The following TRIM69 variants were observed in gnomAD, a reference collection of about 807,000 sequenced individuals.
TRIM69 encodes tripartite motif containing 69.
Under a neutral mutation model 37.7 loss-of-function variants are expected in TRIM69, and 29 were observed. The observed-to-expected ratio is 0.77, with a 90% CI of 0.57 to 1.05. The LOEUF is 1.05. TRIM69 is among the 50% of genes least tolerant of loss of function. TRIM69 has a pLI of 0.00. For synonymous variants in TRIM69, 209 were observed against 212.4 expected, an observed-to-expected ratio of 0.98 and a Z score of 0.14; for missense variants, 596 against 579.9, an observed-to-expected ratio of 1.03 and a Z score of -0.28.
intron 1 of TRIM69, among the ~76,000 whole-genome samples, chr15:44,743,097 G>A (rs2087327057): frequency 6.6e-6 from 1 of 152,130 alleles, no homozygotes; most frequent in Non-Finnish European, 1.5e-5. Flanking sequence ...AAACAGCATG[G>A]TACTGGTACC....
chr15:44,741,899 C>A (rs1474819510), intron 1 of TRIM69, among the ~76,000 whole-genome samples: 1 of 152,238 alleles, frequency 6.6e-6, no homozygotes. Flanking sequence ...CAAGGAGGAA[C>A]TGGTACCATT....
At position 44,755,218 on chromosome 15, in the gene TRIM69, C is replaced by T. The variant is rs779039319; in HGVS notation, c.325C>T (p.Leu109Phe). Residue 109 changes from leucine to phenylalanine, a missense_variant, in exon 2 of 7, where the codon CTC becomes TTC. Coordinates refer to ENST00000329464, the MANE Select transcript of TRIM69 (RefSeq NM_182985.5). The stretch of plus-strand genomic sequence containing the variant: ...AGAGAAGATTAAGAAGTTACCCTTA[C>T]TCAAGGGCCATCCACAGTGCCCAGA... ...LVEKIKKLPLLKGHPQCPEHG... is the reference protein window; with the variant it reads ...LVEKIKKLPLFKGHPQCPEHG... The T allele has an allele frequency of 6.2e-7, 1 of 1,614,202 alleles. No homozygotes were observed. Among genetic ancestry groups the T allele is most frequent in the Non-Finnish European group, 8.5e-7 (1 of 1,180,032 alleles).
Position 44,765,753 on chromosome 15 carries a change from C to CA in TRIM69, c.962-1470dup, listed in dbSNP as rs1322446958. On this transcript the variant is annotated intron_variant, in intron 6 of 6. Coordinates refer to ENST00000329464, the MANE Select transcript of TRIM69 (RefSeq NM_182985.5). ...TGGGGGACAGAGCAAGAATCTATCTCAAAAAAAACAAAACAAAACAAACAA... is the reference window on the plus strand; with the variant it reads ...TGGGGGACAGAGCAAGAATCTATCTCAAAAAAAAACAAAACAAAACAAACAA... 3.3e-3 allele frequency among the ~76,000 whole-genome samples: 145 copies of CA among 43,902 alleles called. 3 individuals carry two copies. The South Asian group carries it at 0.061, about 19-fold the overall frequency. The allele number at this position is 43,902 out of a possible 152,430, so 28.8% of individuals were successfully genotyped here.
At chr15:44,746,409 A>G (rs913053356) in intron 1 of TRIM69, among the ~76,000 whole-genome samples, 2 of 152,200 alleles carry the variant, frequency 1.3e-5, no homozygotes, top group Non-Finnish European at 2.9e-5. Context: ...ACCCAGACAA[A>G]GACATAAAAA....
chr15:44,755,497 C>A, intron 2 of TRIM69, 121 bp downstream of exon 2: 1 of 754,132 alleles, frequency 1.3e-6, no homozygotes, highest in Non-Finnish European at 2.1e-6. Context: ...GCCCAGACTG[C>A]TCAGAAAGTA....
Position 44,745,414 on chromosome 15 carries a change from A to G in TRIM69, c.6+8704A>G, listed in dbSNP as rs141114612. Among the ~76,000 whole-genome samples the G allele has an allele frequency of 2.6e-3, 392 of 152,318 alleles. 2 individuals are homozygous for G. Among genetic ancestry groups the G allele is most frequent in the African/African-American group, 9.0e-3 (376 of 41,572 alleles). On this transcript the variant is annotated intron_variant, in intron 1 of 6. Coordinates refer to ENST00000329464, the MANE Select transcript of TRIM69 (RefSeq NM_182985.5). Reference sequence around the variant, plus strand: ...AAAACAACTACAACAAGAAGTAACAAAAAACCCCAGAGAAGGTGGAAGATT... The same window carrying G: ...AAAACAACTACAACAAGAAGTAACAGAAAACCCCAGAGAAGGTGGAAGATT...
chr15:44,736,551 T>G lies in TRIM69; in HGVS notation c.-154T>G. ...CCAGACCTCACTCTGGCCTTGCTGC[T>G]TCTCTCCAGCTCCTGAACTTTTCTT... On this transcript the variant is annotated 5_prime_UTR_variant, in exon 1 of 7. Coordinates refer to ENST00000329464, the MANE Select transcript of TRIM69 (RefSeq NM_182985.5). 1.3e-6 allele frequency: 1 copy of G among 746,664 alleles called. No individual in the cohort carries two copies. The allele number at this position is 746,664 out of a possible 1,614,324, so 46.3% of individuals were successfully genotyped here.
intron 1 of TRIM69, among the ~76,000 whole-genome samples, chr15:44,746,172 C>A (rs1276730983): frequency 4.6e-5 from 7 of 152,138 alleles, no homozygotes; most frequent in Non-Finnish European, 2.9e-5. Flanking sequence ...GCTAATTTTT[C>A]ATCAGAAATC....
At chr15:44,743,702 A>G (rs535695470) in intron 1 of TRIM69, among the ~76,000 whole-genome samples, 8 of 152,252 alleles carry the variant, frequency 5.3e-5, no homozygotes, top group Non-Finnish European at 1.0e-4. Flanking sequence ...AATCACATGA[A>G]AAAATTCTCA....
chr15:44,736,550 C>T lies in TRIM69; in HGVS notation c.-155C>T, dbSNP rs949825916. The T allele has an allele frequency of 5.4e-6, 4 of 735,170 alleles. No homozygotes were observed. In the Admixed American group the frequency reaches 1.1e-4, roughly 19 times the overall value. The allele number at this position is 735,170 out of a possible 1,614,324, so 45.5% of individuals were successfully genotyped here. On this transcript the variant is annotated 5_prime_UTR_variant, in exon 1 of 7. Transcript: ENST00000329464. ...GCCAGACCTCACTCTGGCCTTGCTG[C>T]TTCTCTCCAGCTCCTGAACTTTTCT... is the stretch of plus-strand genomic sequence containing the variant.
intron 1 of TRIM69, among the ~76,000 whole-genome samples, chr15:44,749,375 T>G (rs1420300178): frequency 6.6e-6 from 1 of 152,208 alleles, no homozygotes; most frequent in Non-Finnish European, 1.5e-5. Context: ...TCCAGTGATA[T>G]GAGCAGTCAC....
chr15:44,750,332 C>G (rs1180089002), intron 1 of TRIM69, among the ~76,000 whole-genome samples: 1 of 152,110 alleles, frequency 6.6e-6, no homozygotes, highest in Non-Finnish European at 1.5e-5. Context: ...GATATTAATT[C>G]TTTAAATAGT....
At chr15:44,741,693 A>G (rs1374296500) in intron 1 of TRIM69, among the ~76,000 whole-genome samples, 5 of 152,260 alleles carry the variant, frequency 3.3e-5, no homozygotes, top group South Asian at 2.1e-4. Flanking sequence ...AAACACCTCT[A>G]TGCAAATAAA....
At chr15:44,759,544 C>T in intron 4 of TRIM69, 96 bp from the exon 5 acceptor site, 1 of 1,267,280 alleles carries the variant, frequency 7.9e-7, no homozygotes, top group South Asian at 1.3e-5. Flanking sequence ...GAGTTCGGGA[C>T]CATCTGCACA....
chr15:44,741,262 A>C (rs1320903778), intron 1 of TRIM69, among the ~76,000 whole-genome samples: 127 of 144,062 alleles, frequency 8.8e-4, no homozygotes, highest in East Asian at 1.7e-3. Context: ...TGTTCTTTGA[A>C]ACCAATGAGA....
intron 1 of TRIM69, chr15:44,754,253 A>G (rs1392037722): frequency 6.6e-6 from 1 of 151,660 alleles, no homozygotes; most frequent in Admixed American, 6.6e-5. Flanking sequence ...CAGCCTCCCA[A>G]GTAGCTAGGA....
chr15:44,751,457 A>C (rs937920592), intron 1 of TRIM69, among the ~76,000 whole-genome samples: 1 of 151,756 alleles, frequency 6.6e-6, no homozygotes, highest in African/African-American at 2.4e-5. Flanking sequence ...TAGAGATGAC[A>C]TCTTACTGTG....
chr15:44,744,004 C>T (rs1470220361), intron 1 of TRIM69, among the ~76,000 whole-genome samples: 1 of 152,030 alleles, frequency 6.6e-6, no homozygotes, highest in Non-Finnish European at 1.5e-5. Context: ...GACACATGCA[C>T]ATGTATGTTT....
At chr15:44,762,669 T>C (rs1566900485) in intron 6 of TRIM69, among the ~76,000 whole-genome samples, 1 of 152,182 alleles carries the variant, frequency 6.6e-6, no homozygotes, top group African/African-American at 2.4e-5. Flanking sequence ...ATTTTCATTT[T>C]ATATACATTT....
Sources: allele counts gnomAD v4.1 joint callset (sites outside exome capture counted in the v4.1 genomes callset), GRCh38; gene constraint gnomAD v4.1.1; transcripts MANE v1.5; gene names NCBI Gene and HGNC (gene_info 2026-07-23, HGNC 2026-07-21).